Variants in ADAM28 observed in about 807,000 individuals in gnomAD.
ADAM28 encodes the protein disintegrin and metalloproteinase domain-containing protein 28.
In ADAM28, 105 loss-of-function variants were observed where a neutral mutation model predicts 101.2. The ratio of observed to expected loss-of-function variants is 1.04; its 90% CI spans 0.89 to 1.22. The LOEUF is 1.22. ADAM28 is among the 50% of genes most tolerant of loss of function. The pLI is 0.00. For missense variants in ADAM28, 1,028 were observed against 945.4 expected (o/e 1.09, Z -1.15); for synonymous variants, 322 against 310.6 (o/e 1.04, Z -0.39).
chr8:24,353,708 A>G (rs544487947), intron 21 of ADAM28, 62 bp from the exon 22 acceptor site: 2 of 1,058,384 alleles, frequency 1.9e-6, no homozygotes, highest in Admixed American at 3.8e-5. Context: ...AAATAAATAT[A>G]GCTAAGATGG....
chr8:24,349,300 A>C (rs1815781481), intron 18 of ADAM28, among the ~76,000 whole-genome samples: 1 of 152,216 alleles, frequency 6.6e-6, no homozygotes, highest in Non-Finnish European at 1.5e-5. Context: ...TGTCAGTACA[A>C]GAAAAAACAC....
intron 20 of ADAM28, 45 bp downstream of exon 20, chr8:24,351,355 C>T: frequency 1.9e-6 from 3 of 1,563,410 alleles, no homozygotes; most frequent in South Asian, 1.1e-5. Context: ...CCCCACTTTG[C>T]GTTTCTCTCA....
At chr8:24,343,214 C>T (rs1451762372) in intron 17 of ADAM28, 33 bp downstream of exon 17, 3 of 1,603,044 alleles carry the variant, frequency 1.9e-6, no homozygotes, top group African/African-American at 2.7e-5. Context: ...CCTAAGCTCT[C>T]TGAATCTTAT....
chr8:24,312,446 A>G (rs1165625217), intron 5 of ADAM28, among the ~76,000 whole-genome samples: 1 of 152,024 alleles, frequency 6.6e-6, no homozygotes, highest in Non-Finnish European at 1.5e-5. Flanking sequence ...ACTTTCTGAA[A>G]TTGTTCATTC....
At position 24,355,899 on chromosome 8, in the gene ADAM28, T is replaced by C. The variant is rs182429094; in HGVS notation, c.*1495T>C. On this transcript the variant is annotated 3_prime_UTR_variant, in exon 23 of 23. Transcript: ENST00000265769. The stretch of plus-strand genomic sequence containing the variant: ...CCATAATCAGGGAACATGCTTTAGT[T>C]CATCATCACAGCTACAGTTTTTCTT... 1 of 152,290 alleles carries C rather than the reference T, an allele frequency of 6.6e-6. No individual in the cohort carries two copies. The highest frequency in any genetic ancestry group is 1.9e-4 in the East Asian group (1 of 5,178). The allele number at this position is 152,290 out of a possible 1,614,324, so 9.4% of individuals were successfully genotyped here.
chr8:24,353,194 GTTTA>G (rs994738923), intron 21 of ADAM28, among the ~76,000 whole-genome samples: 18 of 151,780 alleles, frequency 1.2e-4, no homozygotes, highest in African/African-American at 4.1e-4. Context: ...ATTTCTAGAT[GTTTA>G]TTTAAGGAGA....
intron 10 of ADAM28, among the ~76,000 whole-genome samples, chr8:24,329,422 A>C (rs1813048995): frequency 6.6e-6 from 1 of 152,130 alleles, no homozygotes. Context: ...TGCAAGCTCT[A>C]ATTTATCTGC....
chr8:24,339,608 G>C, intron 15 of ADAM28, 40 bp downstream of exon 15: 3 of 1,498,968 alleles, frequency 2.0e-6, no homozygotes, highest in South Asian at 1.2e-5. Flanking sequence ...TCACAGACTA[G>C]AGCAATGGTA....
chr8:24,336,516 C>T (rs986219633), intron 14 of ADAM28, among the ~76,000 whole-genome samples: 23 of 142,766 alleles, frequency 1.6e-4, no homozygotes, highest in African/African-American at 5.4e-4. Flanking sequence ...GGAGGCGGAG[C>T]TTGCCGTCAG....
chr8:24,304,916 CAAAAA>C (rs201577045), intron 2 of ADAM28, among the ~76,000 whole-genome samples: 2 of 128,376 alleles, frequency 1.6e-5, no homozygotes, highest in African/African-American at 5.6e-5. Context: ...AACTCCTTCT[CAAAAA>C]AAAAAAAAAA....
intron 4 of ADAM28, 61 bp from the exon 5 acceptor site, chr8:24,311,300 G>C (rs1327038787): frequency 7.6e-7 from 1 of 1,318,584 alleles, no homozygotes; most frequent in African/African-American, 1.5e-5. Flanking sequence ...TTCAGATGCG[G>C]CTTTAGCAGC....
intron 20 of ADAM28, chr8:24,351,655 A>G: frequency 2.2e-6 from 1 of 464,884 alleles, no homozygotes; most frequent in Admixed American, 3.6e-5. Flanking sequence ...ATACAAAAAT[A>G]TGTATGTCTG....
At position 24,352,062 on chromosome 8, in the gene ADAM28, C is replaced by CAACTTCTCTT; in HGVS notation, c.2244+13_2244+22dup. The CAACTTCTCTT allele has an allele frequency of 2.5e-6, 4 of 1,613,166 alleles. No individual in the cohort carries two copies. In the Middle Eastern group the frequency reaches 5.0e-4, roughly 200 times the overall value. On this transcript the variant is annotated intron_variant, in intron 21 of 22. Coordinates refer to ENST00000265769, the MANE Select transcript of ADAM28 (RefSeq NM_014265.6). Reference sequence around the variant, plus strand: ...GCCCCCAGCCTCTTTTGTGAGTTAGCAACTTCTCTTAAATACCACCCTAGT... The same window carrying CAACTTCTCTT: ...GCCCCCAGCCTCTTTTGTGAGTTAGCAACTTCTCTTAACTTCTCTTAAATACCACCCTAGT...
At chr8:24,308,034 A>C (rs893605268) in intron 2 of ADAM28, among the ~76,000 whole-genome samples, 1 of 152,202 alleles carries the variant, frequency 6.6e-6, no homozygotes, top group South Asian at 2.1e-4. Context: ...CCATCCCAGA[A>C]ACATCCAGGA....
At chr8:24,323,415 C>A (rs58578562) in intron 8 of ADAM28, among the ~76,000 whole-genome samples, 8,841 of 151,986 alleles carry the variant, frequency 0.058, 390 homozygotes, top group African/African-American at 0.12. Flanking sequence ...TTACTTCTTT[C>A]ATGCCTAAAC....
intron 21 of ADAM28, among the ~76,000 whole-genome samples, chr8:24,352,358 T>C (rs1180496625): frequency 3.3e-5 from 5 of 152,210 alleles, no homozygotes; most frequent in Non-Finnish European, 5.9e-5. Context: ...AACAGATATT[T>C]ACTTCTCACA....
rs186669765 is a variant in ADAM28, at chr8:24,356,921, G to T, written c.*2517G>T. ...TAAAATAATGAAGTATGCATGAAAA[G>T]AAAGCAAATTTTAGTTGGTTGCAGT... On this transcript the variant is annotated 3_prime_UTR_variant, in exon 23 of 23. Coordinates refer to ENST00000265769, the MANE Select transcript of ADAM28 (RefSeq NM_014265.6). The T allele has an allele frequency of 6.6e-6, 1 of 152,120 alleles. No individual in the cohort carries two copies. Among genetic ancestry groups the T allele is most frequent in the Non-Finnish European group, 1.5e-5 (1 of 68,008 alleles). 9.4% of individuals were successfully genotyped at this position (152,120 alleles called of 1,614,324 possible).
chr8:24,339,128 A>C (rs1000735241), intron 14 of ADAM28, among the ~76,000 whole-genome samples: 72 of 152,118 alleles, frequency 4.7e-4, no homozygotes, highest in Non-Finnish European at 3.8e-4. Flanking sequence ...GGCTCTTAAC[A>C]ATGTGTTTTG....
In ADAM28 at chr8:24,306,827, T is replaced by G. The variant is rs547570151; in HGVS notation, c.151-3067T>G. ...CTAAGCCCTAGCAATCTGTCCATGA[T>G]TCCAGATTCTGTCCTATCCACAGAT... is the stretch of plus-strand genomic sequence containing the variant. On this transcript the variant is annotated intron_variant, in intron 2 of 22. Transcript: ENST00000265769. 2.6e-5 allele frequency among the ~76,000 whole-genome samples: 4 copies of G among 152,278 alleles called. No homozygotes were observed. The East Asian group carries it at 7.7e-4, about 29-fold the overall frequency.
Sources: allele counts gnomAD v4.1 joint callset (sites outside exome capture counted in the v4.1 genomes callset), GRCh38; gene constraint gnomAD v4.1.1; transcripts MANE v1.5; gene names NCBI Gene and HGNC (gene_info 2026-07-23, HGNC 2026-07-21).